Variants in DCHS1 observed in about 807,000 individuals in gnomAD.
The protein encoded by DCHS1 is protocadherin-16.
In DCHS1, 78 loss-of-function variants were observed where a neutral mutation model predicts 213.9. That is an observed-to-expected ratio of 0.36 (90% CI 0.30 to 0.44). DCHS1 has a LOEUF of 0.44. Ranked by LOEUF, DCHS1 falls within the 20% of genes least tolerant of loss-of-function variation. DCHS1 has a pLI of 1.00. For synonymous variants in DCHS1, 1,828 were observed against 1,873.7 expected, an observed-to-expected ratio of 0.98 and a Z score of 0.63; for missense variants, 3,946 against 4,395.9, an observed-to-expected ratio of 0.90 and a Z score of 2.89.
Position 6,623,305 on chromosome 11 carries a change from C to G in DCHS1, c.8371G>C (p.Gly2791Arg). 2.5e-6 allele frequency: 4 copies of G among 1,589,680 alleles called. No individual in the cohort carries two copies. The highest frequency in any genetic ancestry group is 1.1e-5 in the South Asian group (1 of 87,386). Residue 2791 changes from glycine to arginine, a missense_variant, in exon 21 of 21, where the codon GGG (glycine) becomes CGG (arginine). Around this residue, in one of 3 missense-constraint regions of DCHS1, gnomAD observed 3,384 missense variants for 3,780.1 expected, o/e 0.90. Coordinates refer to ENST00000299441, the MANE Select transcript of DCHS1 (RefSeq NM_003737.4). Reference protein sequence around the residue: ...FRLLVGAADAGNLSASVTVSV... With the variant: ...FRLLVGAADARNLSASVTVSV... ...ACAGTGACAGAGGCTGAGAGATTCC[C>G]AGCATCAGCAGCACCCACCAGCAGC...
In DCHS1 at chr11:6,629,897, C is replaced by G; in HGVS notation, c.4810G>C (p.Val1604Leu). 3 of 1,612,470 alleles carry G rather than the reference C, an allele frequency of 1.9e-6. No homozygotes were observed. The highest frequency in any genetic ancestry group is 1.7e-6 in the Non-Finnish European group (2 of 1,179,268). ...CGTTGTTCGCGGTCCAACGGCCGCA[C>G]CACGGACAGCGCTCCTAGGTGAGCG... ...LHSSTGALSV[V>L]RPLDREQRAE... Residue 1604 changes from valine to leucine, a missense_variant, in exon 11 of 21, where the codon GTG becomes CTG. By Grantham distance (32) the Val-to-Leu change is conservative (BLOSUM62 1). Around this residue, in one of 3 missense-constraint regions of DCHS1, gnomAD observed 3,384 missense variants for 3,780.1 expected, o/e 0.90. Transcript: ENST00000299441.
chr11:6,626,016 G>A lies in DCHS1; in HGVS notation c.6635C>T (p.Ala2212Val). The stretch of plus-strand genomic sequence containing the variant: ...GAACAATCCACGTGCCGGCTGGGAT[G>A]CAGCCAGACTGTAGGAAATCTGTCC... ...SGGQISYSLA[A>V]SQPARGLFHV... Residue 2212 changes from alanine to valine, a missense_variant, in exon 17 of 21, where the codon GCA becomes GTA. Physicochemically the swap from Ala to Val is moderately conservative, Grantham distance 64. Transcript: ENST00000299441. This position sits in a 1 kb window ranked among gnomAD's most constrained non-coding sequence, Gnocchi z 5.2. 6.2e-7 allele frequency: 1 copy of A among 1,612,640 alleles called. No individual in the cohort carries two copies. The highest frequency in any genetic ancestry group is 1.1e-5 in the South Asian group (1 of 90,730).
At position 6,629,748 on chromosome 11, in the gene DCHS1, C is replaced by T; in HGVS notation, c.4959G>A (p.Glu1653=). The change falls in exon 11 of 21, where the codon GAG becomes GAA. Residue 1653 remains glutamate (E), a synonymous_variant. Coordinates refer to ENST00000299441, the MANE Select transcript of DCHS1 (RefSeq NM_003737.4). ...TGTTCTCACGCAAGAGGACGCTGTA[C>T]TCCTGCTGCTGGAAAGTAGGCGCCT... The part of the protein sequence containing the change: ...NDEAPTFQQQ[E]YSVLLRENNP... 1.9e-6 allele frequency: 3 copies of T among 1,613,876 alleles called. No individual in the cohort carries two copies. Among genetic ancestry groups the T allele is most frequent in the Non-Finnish European group, 2.5e-6 (3 of 1,179,896 alleles).
At chr11:6,639,457 A>G (rs1036109157) in intron 2 of DCHS1, among the ~76,000 whole-genome samples, 2 of 152,166 alleles carry the variant, frequency 1.3e-5, no homozygotes, top group Non-Finnish European at 2.9e-5. Flanking sequence ...AGGGCCCCAT[A>G]AATTCTGGTG....
chr11:6,650,270 TG>T (rs967227021), intron 1 of DCHS1, among the ~76,000 whole-genome samples: 1 of 152,166 alleles, frequency 6.6e-6, no homozygotes, highest in Non-Finnish European at 1.5e-5. Context: ...GAGAAGGGCT[TG>T]GAAGTTCCAG....
chr11:6,625,958 G>T lies in DCHS1; in HGVS notation c.6693C>A (p.Thr2231=). ...HVDPTTGTIT[T]TAILDREIWA... The stretch of plus-strand genomic sequence containing the variant: ...AGATCTCACGGTCCAGGATGGCTGT[G>T]GTAGTGATAGTGCCTGTGGTTGGGT... The change falls in exon 17 of 21, where the codon ACC becomes ACA. Residue 2231 remains threonine, a synonymous_variant. Coordinates refer to ENST00000299441, the MANE Select transcript of DCHS1 (RefSeq NM_003737.4). This position sits in a 1 kb window ranked among gnomAD's most constrained non-coding sequence, Gnocchi z 5.3. 1 of 1,613,626 alleles carries T rather than the reference G, an allele frequency of 6.2e-7. No homozygotes were observed. Among genetic ancestry groups the T allele is most frequent in the South Asian group, 1.1e-5 (1 of 90,950 alleles).
Position 6,641,822 on chromosome 11 carries a change from T to C in DCHS1, c.-120-89A>G, listed in dbSNP as rs1039085802. ...ACGAGGCCACATCAACATTCAGATA[T>C]GCTCAGCCCCCAGCAGGCCCTTGTG... On this transcript the variant is annotated intron_variant, in intron 1 of 20. Coordinates refer to ENST00000299441, the MANE Select transcript of DCHS1 (RefSeq NM_003737.4). The surrounding 1 kb of genome is among the most constrained non-coding windows in gnomAD (Gnocchi z 7.1). 1 of 1,128,252 alleles carries C rather than the reference T, an allele frequency of 8.9e-7. No homozygotes were observed. Among genetic ancestry groups the C allele is most frequent in the African/African-American group, 1.6e-5 (1 of 63,590 alleles). 69.9% of individuals were successfully genotyped at this position (1,128,252 alleles called of 1,614,324 possible).
At position 6,637,617 on chromosome 11, in the gene DCHS1, C is replaced by T. The variant is rs191115883; in HGVS notation, c.1797+2200G>A. 2.3e-3 allele frequency among the ~76,000 whole-genome samples: 357 copies of T among 151,990 alleles called. 2 individuals carry two copies. The highest frequency in any genetic ancestry group is 7.9e-3 in the African/African-American group (327 of 41,456). ...CCCTCCCACACCTCTGTGCACCTCA[C>T]CTCTGCTTGGAAGCCTTCCCCCATC... On this transcript the variant is annotated intron_variant, in intron 2 of 20. Coordinates refer to ENST00000299441, the MANE Select transcript of DCHS1 (RefSeq NM_003737.4).
In DCHS1 at chr11:6,622,731, G is replaced by A. The variant is rs1367253262; in HGVS notation, c.8945C>T (p.Ala2982Val). ...PGPMSQAAPL[A>V]SDSLQKLGRE... ...GCCCAGTTTCTGCAGTGAGTCACTG[G>A]CTAGGGGTGCTGCCTGTGACATTGG... Residue 2982 changes from alanine (A) to valine (V), a missense_variant, in exon 21 of 21, where the codon GCC (alanine) becomes GTC (valine). Physicochemically the swap from Ala to Val is moderately conservative, Grantham distance 64 (BLOSUM62 0). This residue lies in a region of DCHS1 where 554 missense variants were observed against 590.2 expected (regional missense o/e 0.94). Coordinates refer to ENST00000299441, the MANE Select transcript of DCHS1 (RefSeq NM_003737.4). The surrounding 1 kb of genome is among the most constrained non-coding windows in gnomAD (Gnocchi z 5.4). 6.3e-7 allele frequency: 1 copy of A among 1,590,588 alleles called. No individual in the cohort carries two copies.
rs150938956 is a variant in DCHS1 at position 6,640,231 on chromosome 11, G to A, written c.1383C>T (p.His461=). ...GTGCATTGTCGTTGACATCAGTGAC[G>A]TGCAGCACAAAGGCAGCCTCAGCCC... ...PLRAEAAFVL[H]VTDVNDNAPA... is the part of the protein sequence containing the mutation. Residue 461 remains histidine, a synonymous_variant, in exon 2 of 21, where the codon CAC becomes CAT. Coordinates refer to ENST00000299441, the MANE Select transcript of DCHS1 (RefSeq NM_003737.4). This position sits in a 1 kb window ranked among gnomAD's most constrained non-coding sequence, Gnocchi z 6.5. The A allele has an allele frequency of 9.9e-6, 16 of 1,612,638 alleles. No individual in the cohort carries two copies. The East Asian group carries it at 2.0e-4, about 20-fold the overall frequency.
In DCHS1 at chr11:6,621,917, G is replaced by A; in HGVS notation, c.9759C>T (p.Ser3253=). ...CCAGAGGAGACAGAGAGGGTGAGAA[G>A]CTGGGGGACATGGCAGCTGAGGACA... The part of the protein sequence containing the change: ...GSLSSAAMSP[S]FSPSLSPLAA... The change falls in exon 21 of 21, where the codon AGC becomes AGT. Residue 3253 remains serine (S), a synonymous_variant. Transcript: ENST00000299441. The A allele has an allele frequency of 6.2e-7, 1 of 1,613,360 alleles. No homozygotes were observed. Among genetic ancestry groups the A allele is most frequent in the Non-Finnish European group, 8.5e-7 (1 of 1,179,626 alleles).
intron 20 of DCHS1, 47 bp from the exon 21 acceptor site, chr11:6,624,437 G>C (rs1855760321): frequency 3.3e-6 from 5 of 1,495,726 alleles, no homozygotes; most frequent in Non-Finnish European, 4.5e-6. Context: ...CAAAGGCTGT[G>C]AGTGAACAGA....
chr11:6,628,692 T>C lies in DCHS1; in HGVS notation c.5300A>G (p.Gln1767Arg), dbSNP rs890944057. The C allele has an allele frequency of 1.7e-5, 28 of 1,613,902 alleles. No individual in the cohort carries two copies. The highest frequency in any genetic ancestry group is 2.3e-5 in the Non-Finnish European group (27 of 1,179,906). ...SLEVPEGQDP[Q>R]TLTMLRASDP... ...AGAGGCCCGAAGCATGGTAAGGGTC[T>C]GGGGGTCCTGGCCCTCAGGCACCTC... The change falls in exon 13 of 21, where the codon CAG becomes CGG. Residue 1767 changes from glutamine to arginine, a missense_variant. By Grantham distance (43) the Gln-to-Arg change is conservative. Transcript: ENST00000299441. This position sits in a 1 kb window ranked among gnomAD's most constrained non-coding sequence, Gnocchi z 4.3.
chr11:6,622,993 G>A lies in DCHS1; in HGVS notation c.8683C>T (p.Pro2895Ser), dbSNP rs761448706. The change falls in exon 21 of 21, where the codon CCA becomes TCA. Residue 2895 changes from proline to serine, a missense_variant. Coordinates refer to ENST00000299441, the MANE Select transcript of DCHS1 (RefSeq NM_003737.4). The surrounding 1 kb of genome is among the most constrained non-coding windows in gnomAD (Gnocchi z 5.4). ...ATCACCTCCAGCCTCAGCTCCCGTGGTGCTTCCCGCCGGGTCCGGCCCCCA... is the reference window on the plus strand; with the variant it reads ...ATCACCTCCAGCCTCAGCTCCCGTGATGCTTCCCGCCGGGTCCGGCCCCCA... ...GGGGRTRREA[P>S]RELRLEVIAR... 16 of 1,570,694 alleles carry A rather than the reference G, an allele frequency of 1.0e-5. No homozygotes were observed. The highest frequency in any genetic ancestry group is 1.9e-5 in the Admixed American group (1 of 53,674).
chr11:6,654,261 C>T lies in DCHS1; in HGVS notation c.-121+1302G>A, dbSNP rs151258292. On this transcript the variant is annotated intron_variant, in intron 1 of 20. Transcript: ENST00000299441. ...TGTACAAGTGGCTGTGTGGTAAGGGCAACTGTGGCACAGCCTCCTGTTAGT... is the reference window on the plus strand; with the variant it reads ...TGTACAAGTGGCTGTGTGGTAAGGGTAACTGTGGCACAGCCTCCTGTTAGT... Among the ~76,000 whole-genome samples, 443 of 152,190 alleles carry T rather than the reference C, an allele frequency of 2.9e-3. 4 individuals are homozygous for T. The highest frequency in any genetic ancestry group is 9.9e-3 in the African/African-American group (412 of 41,516).
chr11:6,630,653 G>T lies in DCHS1; in HGVS notation c.4141C>A (p.Leu1381Met). The T allele has an allele frequency of 1.3e-6, 2 of 1,536,482 alleles. No individual in the cohort carries two copies. The highest frequency in any genetic ancestry group is 8.7e-7 in the Non-Finnish European group (1 of 1,144,644). The change falls in exon 10 of 21, where the codon CTG becomes ATG. Residue 1381 changes from leucine to methionine, a missense_variant. Physicochemically the swap from Leu to Met is conservative, Grantham distance 15. Transcript: ENST00000299441. ...TACAAGCGCCCTGAGGCCGCATCCA[G>T]CGCGAAGGTGCCCTCGGGATCGGCA... ...GGADPEGTFALDAASGRLYLA... is the reference protein window; with the variant it reads ...GGADPEGTFAMDAASGRLYLA...
In DCHS1 at chr11:6,640,092, C is replaced by T; in HGVS notation, c.1522G>A (p.Val508Ile). The T allele has an allele frequency of 6.2e-7, 1 of 1,613,816 alleles. No homozygotes were observed. Among genetic ancestry groups the T allele is most frequent in the Non-Finnish European group, 8.5e-7 (1 of 1,179,816 alleles). ...GCGCCAGGGGCTAGGCTATAAGTGACCTGACCATTGGTGCCTTGGTCAGGA... is the reference window on the plus strand; with the variant it reads ...GCGCCAGGGGCTAGGCTATAAGTGATCTGACCATTGGTGCCTTGGTCAGGA... Reference protein sequence around the residue: ...RDPDQGTNGQVTYSLAPGAHT... With the variant: ...RDPDQGTNGQITYSLAPGAHT... The change falls in exon 2 of 21, where the codon GTC becomes ATC. Residue 508 changes from valine (V) to isoleucine (I), a missense_variant. This residue lies in a region of DCHS1 where 3,384 missense variants were observed against 3,780.1 expected (regional missense o/e 0.90). Coordinates refer to ENST00000299441, the MANE Select transcript of DCHS1 (RefSeq NM_003737.4). This position sits in a 1 kb window ranked among gnomAD's most constrained non-coding sequence, Gnocchi z 6.5.
chr11:6,636,750 C>G (rs1216702842), intron 2 of DCHS1, among the ~76,000 whole-genome samples: 2 of 152,230 alleles, frequency 1.3e-5, no homozygotes, highest in South Asian at 2.1e-4. Flanking sequence ...TTCTTACACA[C>G]TGTTCCCTGG....
At position 6,622,378 on chromosome 11, in the gene DCHS1, G is replaced by C; in HGVS notation, c.9298C>G (p.Pro3100Ala). The C allele has an allele frequency of 1.3e-6, 2 of 1,565,874 alleles. No homozygotes were observed. Among genetic ancestry groups the C allele is most frequent in the Non-Finnish European group, 1.7e-6 (2 of 1,155,074 alleles). Residue 3100 changes from proline to alanine, a missense_variant, in exon 21 of 21, where the codon CCA (proline) becomes GCA (alanine). Pro to Ala is a conservative substitution (Grantham distance 27). Transcript: ENST00000299441. This position sits in a 1 kb window ranked among gnomAD's most constrained non-coding sequence, Gnocchi z 5.4. ...CTGTAGAGAGTGGCTCCTGCACCTGGCAGCAGCAGCCCTGCCTTTCGGCCC... is the reference window on the plus strand; with the variant it reads ...CTGTAGAGAGTGGCTCCTGCACCTGCCAGCAGCAGCCCTGCCTTTCGGCCC... ...YKGRKAGLLLPGAGATLYREE... is the reference protein window; with the variant it reads ...YKGRKAGLLLAGAGATLYREE...
Sources: allele counts gnomAD v4.1 joint callset (sites outside exome capture counted in the v4.1 genomes callset), GRCh38; gene constraint gnomAD v4.1.1; regional missense constraint gnomAD v4.1.1; non-coding constraint Gnocchi (gnomAD v3.1); transcripts MANE v1.5; gene names NCBI Gene and HGNC (gene_info 2026-07-23, HGNC 2026-07-21).